Variants in SCAF11 observed in about 807,000 individuals in gnomAD.
The protein encoded by SCAF11 is SR-related CTD associated factor 11.
Under a neutral mutation model 140.5 loss-of-function variants are expected in SCAF11, and 47 were observed. The ratio of observed to expected loss-of-function variants is 0.33; its 90% CI spans 0.26 to 0.43. SCAF11 has a LOEUF of 0.43. Among genes scored for constraint, SCAF11 ranks in the 20% least tolerant of loss-of-function variants. The probability of loss-of-function intolerance (pLI) is 1.00; values close to 1 mark genes in which losing one functional copy is unlikely to be tolerated. For synonymous variants in SCAF11, 557 were observed against 579.4 expected, an observed-to-expected ratio of 0.96 and a Z score of 0.55; for missense variants, 1,645 against 1,705.1, an observed-to-expected ratio of 0.96 and a Z score of 0.62.
upstream of SCAF11, chr12:45,992,010 T>A: frequency 7.8e-7 from 1 of 1,289,034 alleles, no homozygotes; most frequent in Non-Finnish European, 1.0e-6. Context: ...CTCCCCACTT[T>A]GCCGCGGCCC....
Position 45,951,715 on chromosome 12 carries a change from A to G in SCAF11, c.232T>C (p.Cys78Arg). ...ILKWAETLAS[C>R]PIDRKPFQAV... ...TGAAAAGGTTTACGGTCAATAGGAC[A>G]TGAAGCCAGTGTCTGAAAAGTGATT... is the stretch of plus-strand genomic sequence containing the variant. The change falls in exon 4 of 15, where the codon TGT becomes CGT. Residue 78 changes from cysteine to arginine, a missense_variant. Coordinates refer to ENST00000369367, the MANE Select transcript of SCAF11 (RefSeq NM_004719.3). The G allele has an allele frequency of 6.3e-7, 1 of 1,585,580 alleles. No homozygotes were observed.
At chr12:45,948,761 G>C (rs1251078925) in intron 4 of SCAF11, among the ~76,000 whole-genome samples, 2 of 152,156 alleles carry the variant, frequency 1.3e-5, no homozygotes, top group East Asian at 3.9e-4. Flanking sequence ...AACAGATTAA[G>C]TGCTTATAAC....
chr12:45,923,013 T>C lies in SCAF11; in HGVS notation c.4048A>G (p.Asn1350Asp), dbSNP rs772227064. 1.2e-6 allele frequency: 2 copies of C among 1,614,202 alleles called. No individual in the cohort carries two copies. The highest frequency in any genetic ancestry group is 3.3e-5 in the Admixed American group (2 of 60,024). Reference sequence around the variant, plus strand: ...CTTTCTGCCAATTTTACAGCAGCATTAGAGGCTTTGCTGTGACTTGATGAC... The same window carrying C: ...CTTTCTGCCAATTTTACAGCAGCATCAGAGGCTTTGCTGTGACTTGATGAC... ...TSSSSHSKAS[N>D]AAVKLAESKV... Residue 1350 changes from asparagine (N) to aspartate (D), a missense_variant, in exon 13 of 15, where the codon AAT (asparagine) becomes GAT (aspartate). Transcript: ENST00000369367.
chr12:45,972,196 A>G (rs550212791), intron 1 of SCAF11, among the ~76,000 whole-genome samples: 1 of 152,316 alleles, frequency 6.6e-6, no homozygotes, highest in African/African-American at 2.4e-5. Context: ...TAAAGTTTTG[A>G]AAACAGAACT....
rs755852089 is a variant in SCAF11, at chr12:45,925,067, G to A, written c.3567C>T (p.Ser1189=). Residue 1189 remains serine, a synonymous_variant, in exon 12 of 15, where the codon AGC becomes AGT. Transcript: ENST00000369367. The part of the protein sequence containing the change: ...QEEETSGQDS[S]LKDQTNQQVD... ...CTTGCTGGTTTGTTTGGTCTTTTAG[G>A]CTAGAATCTATCAAAAGAAAAAAAG... is the stretch of plus-strand genomic sequence containing the variant. 6.3e-7 allele frequency: 1 copy of A among 1,599,284 alleles called. No homozygotes were observed. Among genetic ancestry groups the A allele is most frequent in the Non-Finnish European group, 8.5e-7 (1 of 1,170,694 alleles).
In SCAF11 at chr12:45,922,187, T is replaced by C. The variant is rs985222935; in HGVS notation, c.4253A>G (p.His1418Arg). The C allele has an allele frequency of 2.5e-6, 4 of 1,601,634 alleles. No individual in the cohort carries two copies. Among genetic ancestry groups the C allele is most frequent in the East Asian group, 2.2e-5 (1 of 44,728 alleles). ...AGAATTTACTTCTCCACTCTTACTATGACAAACCTAAGAAAAAAGGGGTGG... is the reference window on the plus strand; with the variant it reads ...AGAATTTACTTCTCCACTCTTACTACGACAAACCTAAGAAAAAAGGGGTGG... Reference protein sequence around the residue: ...IVRKAVDKVCHSKSGEVNSTK... With the variant: ...IVRKAVDKVCRSKSGEVNSTK... Residue 1418 changes from histidine to arginine, a missense_variant, in exon 15 of 15, where the codon CAT (histidine) becomes CGT (arginine). By Grantham distance (29) the His-to-Arg change is conservative (BLOSUM62 0). Transcript: ENST00000369367.
At chr12:45,954,299 A>G (rs984891625) in intron 3 of SCAF11, among the ~76,000 whole-genome samples, 2 of 151,792 alleles carry the variant, frequency 1.3e-5, no homozygotes. Context: ...TGGCACTATC[A>G]TGGGTCACTA....
intron 4 of SCAF11, among the ~76,000 whole-genome samples, chr12:45,950,264 CAAG>C (rs1361594005): frequency 6.6e-6 from 1 of 151,934 alleles, no homozygotes; most frequent in Non-Finnish European, 1.5e-5. Context: ...TTGTAGAATT[CAAG>C]AAGTTCAATT....
rs777856004 is a variant in SCAF11 at position 45,927,622 on chromosome 12, T to C, written c.2079A>G (p.Arg693=). 1 of 1,612,880 alleles carries C rather than the reference T, an allele frequency of 6.2e-7. No individual in the cohort carries two copies. The highest frequency in any genetic ancestry group is 8.5e-7 in the Non-Finnish European group (1 of 1,179,990). ...EKNESLTEHP[R]STELPKTHIE... ...TGTGTGTTTTAGGCAACTCTGTAGA[T>C]CTAGGATGTTCGGTCAGCGATTCAT... The change falls in exon 11 of 15, where the codon AGA becomes AGG. Residue 693 remains arginine, a synonymous_variant. Transcript: ENST00000369367.
At chr12:45,931,304 GTATC>G (rs1945040147) in intron 10 of SCAF11, 198 bp downstream of exon 10, 4 of 321,088 alleles carry the variant, frequency 1.2e-5, no homozygotes, top group East Asian at 5.2e-5. Context: ...GAGAGACTAT[GTATC>G]TATCTATCTA....
intron 1 of SCAF11, among the ~76,000 whole-genome samples, chr12:45,981,756 T>C (rs1228952033): frequency 6.6e-6 from 1 of 152,042 alleles, no homozygotes; most frequent in African/African-American, 2.4e-5. Context: ...GGCCATCCCA[T>C]AGCATTCCAG....
rs1414015902 is a variant in SCAF11, at chr12:45,945,242, A to G, written c.463+7T>C. The G allele has an allele frequency of 6.5e-7, 1 of 1,534,656 alleles. No individual in the cohort carries two copies. ...AAGGTAGAATCCACAAGCAAAAAGT[A>G]ACTTACTATGTATCCACTTCAAGTC... On this transcript the variant is annotated splice_region_variant and intron_variant, in intron 6 of 14. Coordinates refer to ENST00000369367, the MANE Select transcript of SCAF11 (RefSeq NM_004719.3).
chr12:45,973,105 C>T, intron 1 of SCAF11, among the ~76,000 whole-genome samples: 1 of 148,426 alleles, frequency 6.7e-6, no homozygotes, highest in Non-Finnish European at 1.5e-5. Flanking sequence ...AAGATCACAG[C>T]AAACAAACAG....
chr12:45,954,234 A>C (rs905650722), intron 3 of SCAF11, among the ~76,000 whole-genome samples: 8 of 151,088 alleles, frequency 5.3e-5, no homozygotes, highest in Admixed American at 1.3e-4. Flanking sequence ...TTTTTTCTTT[A>C]TTTTTTTTAT....
At chr12:45,976,230 A>T (rs148962470) in intron 1 of SCAF11, among the ~76,000 whole-genome samples, 239 of 152,310 alleles carry the variant, frequency 1.6e-3, no homozygotes, top group East Asian at 6.2e-3. Flanking sequence ...TAAAATTTTA[A>T]GTATGTATAA....
chr12:45,987,482 G>T (rs7972499), intron 1 of SCAF11, among the ~76,000 whole-genome samples: 14,229 of 152,188 alleles, frequency 0.093, 2,220 homozygotes, highest in African/African-American at 0.32. Context: ...TCTCACAGAA[G>T]ATAAATCACA....
chr12:45,937,926 T>C (rs984846092), intron 6 of SCAF11, among the ~76,000 whole-genome samples: 5 of 152,212 alleles, frequency 3.3e-5, no homozygotes, highest in Admixed American at 6.5e-5. Flanking sequence ...TAAAGATTTT[T>C]AACCAATTCT....
Position 45,934,190 on chromosome 12 carries a change from G to T in SCAF11, c.618C>A (p.Thr206=), listed in dbSNP as rs1945118502. 6.3e-7 allele frequency: 1 copy of T among 1,578,186 alleles called. No homozygotes were observed. The highest frequency in any genetic ancestry group is 8.7e-7 in the Non-Finnish European group (1 of 1,149,512). ...AAAATACTAACCAATAAGCTCTATA[G>T]GTAAAGGAAGATTCTCCAGAGTGGC... ...SVSHSGESSF[T]YRAYCTEFIE... is the part of the protein sequence containing the mutation. Residue 206 remains threonine, a synonymous_variant, in exon 8 of 15, where the codon ACC becomes ACA. Transcript: ENST00000369367.
At chr12:45,972,863 TCG>T (rs1343759818) in intron 1 of SCAF11, among the ~76,000 whole-genome samples, 4 of 93,182 alleles carry the variant, frequency 4.3e-5, no homozygotes, top group East Asian at 2.9e-4. Flanking sequence ...TATATATATA[TCG>T]ATATATATAT....
Sources: gnomAD v4.1 joint callset for allele counts (sites outside exome capture counted in the v4.1 genomes callset) on GRCh38, gnomAD v4.1.1 for gene constraint, MANE v1.5 for transcripts, NCBI Gene and HGNC (gene_info 2026-07-23, HGNC 2026-07-21) for gene names.